The following CTNNA3 variants were observed in gnomAD, a reference collection of about 807,000 sequenced individuals.
CTNNA3 encodes the protein catenin alpha-3.
A neutral mutation model predicts 95.7 loss-of-function variants in CTNNA3; 76 were observed. The observed-to-expected ratio is 0.79, with a 90% CI of 0.66 to 0.96. CTNNA3 has a LOEUF of 0.96. CTNNA3 is among the 40% of genes least tolerant of loss of function. The pLI, the probability that CTNNA3 is intolerant of heterozygous loss-of-function variation, is 0.00. For missense variants in CTNNA3, 1,191 were observed against 1,089.8 expected (o/e 1.09, Z -1.31); for synonymous variants, 431 against 374.4 (o/e 1.15, Z -1.74).
At chr10:67,177,656 G>A (rs1356635630) in intron 7 of CTNNA3, among the ~76,000 whole-genome samples, 1 of 152,142 alleles carries the variant, frequency 6.6e-6, no homozygotes, top group Non-Finnish European at 1.5e-5. Context: ...CAAGGTTTGA[G>A]TTCAGCTAGT....
At chr10:66,130,695 C>T (rs572482987) in intron 13 of CTNNA3, among the ~76,000 whole-genome samples, 7 of 150,980 alleles carry the variant, frequency 4.6e-5, no homozygotes, top group South Asian at 2.1e-4. Context: ...ATACAAAAAA[C>T]GAGCCAAAAA....
chr10:67,534,792 G>A (rs1179691938), intron 4 of CTNNA3, among the ~76,000 whole-genome samples: 2 of 152,068 alleles, frequency 1.3e-5, no homozygotes, highest in Non-Finnish European at 2.9e-5. Context: ...GCAAAAGCTT[G>A]GAGACAGAGT....
At chr10:66,088,927 A>G (rs2081102765) in intron 14 of CTNNA3, among the ~76,000 whole-genome samples, 1 of 152,078 alleles carries the variant, frequency 6.6e-6, no homozygotes, top group African/African-American at 2.4e-5. Context: ...AAGTGGGGTG[A>G]GGAGTCATTT....
At chr10:67,475,770 A>G (rs1314778508) in intron 5 of CTNNA3, among the ~76,000 whole-genome samples, 1 of 152,216 alleles carries the variant, frequency 6.6e-6, no homozygotes, top group African/African-American at 2.4e-5. Context: ...TGAAAGTTCA[A>G]TAAATACAGA....
intron 7 of CTNNA3, among the ~76,000 whole-genome samples, chr10:67,102,929 GTGGAAAA>G (rs1858424214): frequency 6.6e-6 from 1 of 151,774 alleles, no homozygotes; most frequent in Non-Finnish European, 1.5e-5. Flanking sequence ...CTGGATTAAT[GTGGAAAA>G]TAGTAGTAAG....
Position 66,621,769 on chromosome 10 carries a change from A to T in CTNNA3, c.1297T>A (p.Cys433Ser). Residue 433 changes from cysteine to serine, a missense_variant, in exon 10 of 18, where the codon TGT (cysteine) becomes AGT (serine). By Grantham distance (112) the Cys-to-Ser change is moderately radical. Coordinates refer to ENST00000433211, the MANE Select transcript of CTNNA3 (RefSeq NM_013266.4). Reference sequence around the variant, plus strand: ...CCATCTTCATTTGTTGACATGGAACAAGCAAGATTTGCCACCTTAAATACA... The same window carrying T: ...CCATCTTCATTTGTTGACATGGAACTAGCAAGATTTGCCACCTTAAATACA... ...SRLVEVANLA[C>S]SMSTNEDGIK... 6.2e-7 allele frequency: 1 copy of T among 1,607,066 alleles called. No individual in the cohort carries two copies. Among genetic ancestry groups the T allele is most frequent in the Non-Finnish European group, 8.5e-7 (1 of 1,177,366 alleles).
chr10:66,451,201 G>T (rs2131824069), intron 11 of CTNNA3, among the ~76,000 whole-genome samples: 1 of 152,270 alleles, frequency 6.6e-6, no homozygotes, highest in Non-Finnish European at 1.5e-5. Context: ...GGTAGTTTTA[G>T]TTGTGTGAGT....
At chr10:67,723,764 C>A (rs1276149378) in intron 1 of CTNNA3, among the ~76,000 whole-genome samples, 1 of 152,144 alleles carries the variant, frequency 6.6e-6, no homozygotes, top group Non-Finnish European at 1.5e-5. Context: ...TGATTCCAGT[C>A]ACGACTGTGA....
At chr10:66,840,654 G>A (rs1019224165) in intron 7 of CTNNA3, among the ~76,000 whole-genome samples, 9 of 151,970 alleles carry the variant, frequency 5.9e-5, no homozygotes, top group African/African-American at 1.9e-4. Flanking sequence ...ACATGAATTC[G>A]AAATTCTAAT....
intron 13 of CTNNA3, among the ~76,000 whole-genome samples, chr10:66,200,723 C>T (rs2087342859): frequency 6.6e-6 from 1 of 152,182 alleles, no homozygotes; most frequent in South Asian, 2.1e-4. Context: ...TGAATCACAT[C>T]CCTGTGGTTA....
At chr10:67,712,334 C>T (rs1174312517) in intron 1 of CTNNA3, among the ~76,000 whole-genome samples, 1 of 152,180 alleles carries the variant, frequency 6.6e-6, no homozygotes, top group Non-Finnish European at 1.5e-5. Flanking sequence ...CAGAAATTTG[C>T]ATAAATAATG....
chr10:66,658,786 C>T (rs1030813508), intron 9 of CTNNA3, among the ~76,000 whole-genome samples: 49 of 152,124 alleles, frequency 3.2e-4, no homozygotes, highest in East Asian at 1.9e-4. Flanking sequence ...CTGTGCCTCA[C>T]GGGTTCAAGC....
intron 11 of CTNNA3, among the ~76,000 whole-genome samples, chr10:66,473,784 T>A (rs551495645): frequency 6.6e-6 from 1 of 152,068 alleles, no homozygotes; most frequent in Admixed American, 6.6e-5. Context: ...TTTGTCCTTG[T>A]GATAGTTTGC....
intron 6 of CTNNA3, among the ~76,000 whole-genome samples, chr10:67,193,862 GT>G (rs57242421): frequency 0.37 from 55,527 of 151,782 alleles, 14,555 homozygotes; most frequent in African/African-American, 0.75. Context: ...ATGAATTTCT[GT>G]TTTTTAGGTA....
intron 15 of CTNNA3, among the ~76,000 whole-genome samples, chr10:66,060,442 GT>G (rs1429535027): frequency 6.6e-6 from 1 of 151,868 alleles, no homozygotes; most frequent in Non-Finnish European, 1.5e-5. Context: ...AGTTATTTTT[GT>G]TTATTTCTAA....
At position 66,447,092 on chromosome 10, in the gene CTNNA3, A is replaced by C. The variant is rs551548354; in HGVS notation, c.1532-67740T>G. The stretch of plus-strand genomic sequence containing the variant: ...CATTCACAATTGCTTCAAAGAGAAT[A>C]AAATACCTAGGAATCCAACTTACAA... On this transcript the variant is annotated intron_variant, in intron 11 of 17. Transcript: ENST00000433211. 4.0e-5 allele frequency among the ~76,000 whole-genome samples: 6 copies of C among 151,728 alleles called. No homozygotes were observed. The East Asian group carries it at 1.2e-3, about 29-fold the overall frequency.
intron 5 of CTNNA3, among the ~76,000 whole-genome samples, chr10:67,478,312 C>G (rs1298817171): frequency 2.0e-5 from 3 of 151,998 alleles, no homozygotes; most frequent in African/African-American, 7.2e-5. Flanking sequence ...AGCTAGACAT[C>G]TCTAGCAAGA....
chr10:66,227,382 T>TTG, intron 13 of CTNNA3, among the ~76,000 whole-genome samples: 1 of 152,054 alleles, frequency 6.6e-6, no homozygotes, highest in African/African-American at 2.4e-5. Flanking sequence ...GGTGTTTTTT[T>TTG]TTTTTTCATG....
intron 7 of CTNNA3, among the ~76,000 whole-genome samples, chr10:67,021,560 G>C (rs892138064): frequency 9.9e-5 from 15 of 151,908 alleles, no homozygotes; most frequent in Non-Finnish European, 2.1e-4. Context: ...TTGCTATGTA[G>C]CTATCAAAAT....
Sources: gnomAD v4.1 joint callset for allele counts (sites outside exome capture counted in the v4.1 genomes callset) on GRCh38, gnomAD v4.1.1 for gene constraint, MANE v1.5 for transcripts, NCBI Gene and HGNC (gene_info 2026-07-23, HGNC 2026-07-21) for gene names.